The following PSD3 variants were observed in gnomAD, a reference collection of about 807,000 sequenced individuals.
PSD3 encodes the protein PH and SEC7 domain-containing protein 3.
In PSD3, 49 loss-of-function variants were observed where a neutral mutation model predicts 105.5. That is an observed-to-expected ratio of 0.46 (90% CI 0.37 to 0.59). The LOEUF (loss-of-function observed/expected upper bound fraction) is 0.59, where lower values mean the gene tolerates loss of function less well. PSD3 is among the 20% of genes least tolerant of loss of function. The pLI, the probability that PSD3 is intolerant of heterozygous loss-of-function variation, is 0.00. For synonymous variants in PSD3, 557 were observed against 457.8 expected (o/e 1.22, Z -2.77); for missense variants, 1,561 against 1,263.8 (o/e 1.24, Z -3.57).
chr8:18,744,536 G>A (rs1804828561), intron 9 of PSD3, among the ~76,000 whole-genome samples: 1 of 152,166 alleles, frequency 6.6e-6, no homozygotes. Context: ...ATACAATGCT[G>A]CTTTTAATGT....
intron 9 of PSD3, among the ~76,000 whole-genome samples, chr8:18,750,446 G>A (rs891939505): frequency 1.3e-5 from 2 of 152,070 alleles, no homozygotes; most frequent in African/African-American, 4.8e-5. Context: ...GTCTTGCTGG[G>A]CTCAGGAGTG....
chr8:18,943,046 G>T (rs189558093), intron 1 of PSD3, among the ~76,000 whole-genome samples: 3 of 152,158 alleles, frequency 2.0e-5, no homozygotes, highest in Non-Finnish European at 4.4e-5. Flanking sequence ...CAAAAACAGC[G>T]ATGTATAATA....
In PSD3 at chr8:18,804,617, A is replaced by G; in HGVS notation, c.1830-15T>C. 6.2e-7 allele frequency: 1 copy of G among 1,611,740 alleles called. No individual in the cohort carries two copies. Among genetic ancestry groups the G allele is most frequent in the African/African-American group, 1.3e-5 (1 of 74,936 alleles). The stretch of plus-strand genomic sequence containing the variant: ...TAAATTCGTTGCTATAAGAAAACAG[A>G]ATAGACTTGGTTATTGAAAGGTAAA... On this transcript the variant is annotated splice_polypyrimidine_tract_variant and intron_variant, in intron 5 of 15. Transcript: ENST00000327040.
intron 1 of PSD3, among the ~76,000 whole-genome samples, chr8:18,981,126 C>T (rs886941247): frequency 5.3e-5 from 8 of 152,142 alleles, no homozygotes; most frequent in Non-Finnish European, 1.2e-4. Context: ...CAGTCAATGA[C>T]TGCTGGGCAC....
At chr8:19,068,331 C>A (rs1176984183) in intron 1 of PSD3, among the ~76,000 whole-genome samples, 1 of 151,594 alleles carries the variant, frequency 6.6e-6, no homozygotes, top group Non-Finnish European at 1.5e-5. Context: ...ACTCTGTTGC[C>A]CAGGCTGGAG....
intron 1 of PSD3, among the ~76,000 whole-genome samples, chr8:19,048,834 C>T (rs909521372): frequency 2.0e-5 from 3 of 152,214 alleles, no homozygotes; most frequent in Non-Finnish European, 4.4e-5. Flanking sequence ...CAAAACACCA[C>T]AGACTGGGTG....
intron 14 of PSD3, among the ~76,000 whole-genome samples, chr8:18,565,217 A>C (rs2130251710): frequency 6.6e-6 from 1 of 152,276 alleles, no homozygotes; most frequent in East Asian, 1.9e-4. Context: ...GTGCACACTG[A>C]AGTTTGAAAA....
intron 2 of PSD3, among the ~76,000 whole-genome samples, chr8:18,934,620 T>C (rs1821987480): frequency 6.6e-6 from 1 of 152,136 alleles, no homozygotes; most frequent in African/African-American, 2.4e-5. Flanking sequence ...AAGATCTTTA[T>C]AAATGTCAAC....
At chr8:18,764,219 G>A (rs1330666265) in intron 9 of PSD3, among the ~76,000 whole-genome samples, 1 of 152,136 alleles carries the variant, frequency 6.6e-6, no homozygotes, top group African/African-American at 2.4e-5. Context: ...CTCTCTTAGA[G>A]AGACTCCATA....
At chr8:19,078,112 C>G (rs990167482) in intron 1 of PSD3, among the ~76,000 whole-genome samples, 4 of 152,096 alleles carry the variant, frequency 2.6e-5, no homozygotes, top group Admixed American at 6.5e-5. Context: ...CTCGCTGCAG[C>G]CTCGAACTCC....
At chr8:18,704,216 G>C (rs902103131) in intron 9 of PSD3, among the ~76,000 whole-genome samples, 1 of 152,124 alleles carries the variant, frequency 6.6e-6, no homozygotes, top group Non-Finnish European at 1.5e-5. Flanking sequence ...ATAAGAATGT[G>C]CTTTACTCTG....
intron 8 of PSD3, among the ~76,000 whole-genome samples, chr8:18,779,878 A>G (rs947852930): frequency 5.3e-5 from 8 of 152,132 alleles, no homozygotes; most frequent in African/African-American, 1.9e-4. Context: ...GTCCCATGTG[A>G]TAAGAATACT....
At chr8:18,602,131 G>GTTAA in intron 11 of PSD3, among the ~76,000 whole-genome samples, 1 of 152,188 alleles carries the variant, frequency 6.6e-6, no homozygotes, top group Non-Finnish European at 1.5e-5. Flanking sequence ...CATAGGTCCT[G>GTTAA]AAGTACAAAG....
At chr8:18,702,310 G>T (rs1324652518) in intron 9 of PSD3, among the ~76,000 whole-genome samples, 1 of 152,200 alleles carries the variant, frequency 6.6e-6, no homozygotes, top group Non-Finnish European at 1.5e-5. Context: ...TTTGGTGTGT[G>T]TTTATGTACA....
intron 4 of PSD3, among the ~76,000 whole-genome samples, chr8:18,840,032 G>A (rs577923370): frequency 6.6e-6 from 1 of 152,108 alleles, no homozygotes; most frequent in South Asian, 2.1e-4. Context: ...ACAAAATACT[G>A]GCTTGTGCTT....
intron 9 of PSD3, among the ~76,000 whole-genome samples, chr8:18,680,747 T>G (rs1194889998): frequency 6.6e-6 from 1 of 152,176 alleles, no homozygotes; most frequent in Non-Finnish European, 1.5e-5. Context: ...AAATAACATC[T>G]ATAAGCTGAA....
At chr8:18,920,469 G>T (rs1450184862) in intron 2 of PSD3, among the ~76,000 whole-genome samples, 1 of 152,150 alleles carries the variant, frequency 6.6e-6, no homozygotes, top group African/African-American at 2.4e-5. Flanking sequence ...ATGGTGATGC[G>T]GGAGCATGAG....
At chr8:18,750,004 C>T (rs1314976606) in intron 9 of PSD3, among the ~76,000 whole-genome samples, 2 of 152,172 alleles carry the variant, frequency 1.3e-5, no homozygotes, top group Non-Finnish European at 2.9e-5. Context: ...AGTAGAAAAA[C>T]CAGCCAAGCA....
intron 8 of PSD3, among the ~76,000 whole-genome samples, chr8:18,767,221 AG>A (rs1266905339): frequency 1.3e-5 from 2 of 152,244 alleles, no homozygotes; most frequent in Admixed American, 1.3e-4. Context: ...AAAAGAGCAA[AG>A]ATATAAACAA....
Sources: gnomAD v4.1 joint callset for allele counts (sites outside exome capture counted in the v4.1 genomes callset) on GRCh38, gnomAD v4.1.1 for gene constraint, MANE v1.5 for transcripts, NCBI Gene and HGNC (gene_info 2026-07-23, HGNC 2026-07-21) for gene names.